AMBRA1: variants seen among roughly 807,000 people sequenced by gnomAD.
The protein encoded by AMBRA1 is autophagy and beclin 1 regulator 1, also known as activating molecule in BECN1-regulated autophagy protein 1.
AMBRA1 carries 47 observed loss-of-function variants against 125.4 expected under a neutral mutation model. The observed-to-expected ratio is 0.37, with a 90% CI of 0.30 to 0.48. AMBRA1 has a LOEUF of 0.48. Among genes scored for constraint, AMBRA1 ranks in the 20% least tolerant of loss-of-function variants. The probability of loss-of-function intolerance (pLI) is 0.99; values close to 1 mark genes in which losing one functional copy is unlikely to be tolerated. For missense variants in AMBRA1, 1,331 were observed against 1,693.4 expected (o/e 0.79, Z 3.76); for synonymous variants, 626 against 655.5 (o/e 0.95, Z 0.69).
intron 11 of AMBRA1, among the ~76,000 whole-genome samples, chr11:46,486,603 T>G (rs1301673389): frequency 2.0e-5 from 3 of 152,084 alleles, no homozygotes; most frequent in Non-Finnish European, 4.4e-5. Context: ...AGTACTGGTG[T>G]TTTTAAAAGA....
At chr11:46,442,849 C>T (rs1948086688) in intron 12 of AMBRA1, among the ~76,000 whole-genome samples, 1 of 152,146 alleles carries the variant, frequency 6.6e-6, no homozygotes, top group Admixed American at 6.5e-5. Context: ...AACAACTAAG[C>T]CCTATGGGAT....
intron 8 of AMBRA1, among the ~76,000 whole-genome samples, chr11:46,510,979 CT>C (rs34092566): frequency 5.5e-4 from 84 of 152,298 alleles, no homozygotes; most frequent in African/African-American, 2.0e-3. Flanking sequence ...AAAATACTTC[CT>C]TTTCCAAAAA....
At chr11:46,439,115 A>T (rs557776199) in intron 12 of AMBRA1, among the ~76,000 whole-genome samples, 1 of 152,210 alleles carries the variant, frequency 6.6e-6, no homozygotes, top group East Asian at 1.9e-4. Flanking sequence ...TATAAAAAAA[A>T]ATTTAAAAAT....
intron 1 of AMBRA1, among the ~76,000 whole-genome samples, chr11:46,581,885 T>C (rs984726776): frequency 6.9e-6 from 1 of 143,978 alleles, no homozygotes; most frequent in Non-Finnish European, 1.5e-5. Flanking sequence ...GAGGCCAAGG[T>C]GGGGAAGGAG....
At chr11:46,428,634 A>G (rs1947278908) in intron 14 of AMBRA1, 2 of 1,589,714 alleles carry the variant, frequency 1.3e-6, no homozygotes, top group Non-Finnish European at 1.7e-6. Context: ...TATTCAATGC[A>G]AAAGAATCCT....
chr11:46,432,736 G>A (rs1947514136), intron 14 of AMBRA1, among the ~76,000 whole-genome samples: 1 of 152,192 alleles, frequency 6.6e-6, no homozygotes, highest in African/African-American at 2.4e-5. Flanking sequence ...ATTGCACAAA[G>A]TACTAAGGAA....
At chr11:46,570,609 C>A (rs1396202421) in intron 1 of AMBRA1, among the ~76,000 whole-genome samples, 1 of 152,152 alleles carries the variant, frequency 6.6e-6, no homozygotes, top group Non-Finnish European at 1.5e-5. Context: ...AACCCTAGCT[C>A]AACGTGATGT....
At chr11:46,409,477 C>T (rs904351813) in intron 16 of AMBRA1, among the ~76,000 whole-genome samples, 6 of 152,236 alleles carry the variant, frequency 3.9e-5, no homozygotes, top group Non-Finnish European at 8.8e-5. Flanking sequence ...GGATTACAGG[C>T]ATGAGCCACC....
intron 11 of AMBRA1, among the ~76,000 whole-genome samples, chr11:46,466,063 C>A (rs989335031): frequency 6.6e-6 from 1 of 152,102 alleles, no homozygotes; most frequent in Non-Finnish European, 1.5e-5. Context: ...TGAGTGAGAA[C>A]TGAATATTAA....
At chr11:46,422,669 T>C (rs1047338012) in intron 14 of AMBRA1, among the ~76,000 whole-genome samples, 8 of 151,896 alleles carry the variant, frequency 5.3e-5, no homozygotes, top group Non-Finnish European at 8.8e-5. Context: ...AACAAGATGG[T>C]CGTATTTTTT....
intron 11 of AMBRA1, among the ~76,000 whole-genome samples, chr11:46,450,615 G>A (rs969244293): frequency 3.3e-5 from 5 of 151,606 alleles, no homozygotes; most frequent in African/African-American, 4.9e-5. Flanking sequence ...GATTTTTTTT[G>A]TATTTTTTGT....
intron 7 of AMBRA1, among the ~76,000 whole-genome samples, chr11:46,517,486 T>G (rs990539322): frequency 4.8e-5 from 7 of 145,576 alleles, no homozygotes; most frequent in East Asian, 2.0e-4. Flanking sequence ...TTTTTTTTTT[T>G]TTTTTTTTTT....
intron 11 of AMBRA1, among the ~76,000 whole-genome samples, chr11:46,449,716 A>G (rs1012288454): frequency 6.6e-5 from 10 of 152,234 alleles, no homozygotes; most frequent in African/African-American, 2.4e-4. Flanking sequence ...AATAGCCAAC[A>G]CAATATGGAA....
intron 9 of AMBRA1, among the ~76,000 whole-genome samples, chr11:46,499,657 CT>C (rs528349221): frequency 6.6e-6 from 1 of 151,770 alleles, no homozygotes; most frequent in South Asian, 2.1e-4. Flanking sequence ...GGAAATTTTT[CT>C]TTTTTTTCTT....
rs138923006 is a variant in AMBRA1 at position 46,559,369 on chromosome 11, C to T, written c.-120-10869G>A. Among the ~76,000 whole-genome samples the T allele has an allele frequency of 8.5e-5, 13 of 152,180 alleles. No homozygotes were observed. The South Asian group carries it at 2.1e-3, about 24-fold the overall frequency. ...CATTACCAACCTAATTTCAGCCAGT[C>T]ATTTCATTACGCACATGTCATTGAT... On this transcript the variant is annotated intron_variant, in intron 1 of 17. Coordinates refer to ENST00000683756, the MANE Select transcript of AMBRA1 (RefSeq NM_001387011.1).
rs190297764 is a variant in AMBRA1 at position 46,523,342 on chromosome 11, C to A, written c.2073-10529G>T. ...ACATTTGACTCTACTGAAATAATTT[C>A]TCCACCATTTCCCTCTGTCTAGACA... On this transcript the variant is annotated intron_variant, in intron 7 of 17. Transcript: ENST00000683756. Among the ~76,000 whole-genome samples, 38 of 152,304 alleles carry A rather than the reference C, an allele frequency of 2.5e-4. No homozygotes were observed. In the East Asian group the frequency reaches 6.4e-3, roughly 25 times the overall value.
At chr11:46,481,654 C>G (rs143832725) in intron 11 of AMBRA1, among the ~76,000 whole-genome samples, 3 of 152,188 alleles carry the variant, frequency 2.0e-5, no homozygotes, top group African/African-American at 4.8e-5. Context: ...TGATCTACCG[C>G]GCCCGGCCTA....
chr11:46,576,098 TAA>T (rs945374632), intron 1 of AMBRA1, among the ~76,000 whole-genome samples: 15 of 152,148 alleles, frequency 9.9e-5, no homozygotes, highest in African/African-American at 3.4e-4. Flanking sequence ...GGAAGAATCA[TAA>T]CAGTAGATTA....
At chr11:46,530,366 C>T (rs1418433736) in intron 7 of AMBRA1, among the ~76,000 whole-genome samples, 1 of 152,182 alleles carries the variant, frequency 6.6e-6, no homozygotes, top group Non-Finnish European at 1.5e-5. Context: ...GCATGACCTG[C>T]ACTGGGAGAA....
Sources: gnomAD v4.1 joint callset for allele counts (sites outside exome capture counted in the v4.1 genomes callset) on GRCh38, gnomAD v4.1.1 for gene constraint, MANE v1.5 for transcripts, NCBI Gene and HGNC (gene_info 2026-07-23, HGNC 2026-07-21) for gene names.